Variants in CDH4 observed in about 807,000 individuals in gnomAD.
CDH4 encodes cadherin 4.
In CDH4, 33 loss-of-function variants were observed where a neutral mutation model predicts 86.0. That is an observed-to-expected ratio of 0.38 (90% confidence interval 0.29 to 0.51). The LOEUF (loss-of-function observed/expected upper bound fraction) is 0.51, where lower values mean the gene tolerates loss of function less well. CDH4 is among the 20% of genes least tolerant of loss of function. The pLI, the probability that CDH4 is intolerant of heterozygous loss-of-function variation, is 0.86. For synonymous variants in CDH4, 555 were observed against 549.4 expected (o/e 1.01, Z -0.14); for missense variants, 1,114 against 1,307.4 (o/e 0.85, Z 2.28).
chr20:61,254,989 G>A, intron 2 of CDH4, 52 bp downstream of exon 2: 1 of 1,049,258 alleles, frequency 9.5e-7, no homozygotes, highest in South Asian at 1.3e-5. Flanking sequence ...GCTTTTCCTT[G>A]GGGAAACATG....
intron 7 of CDH4, among the ~76,000 whole-genome samples, chr20:61,881,589 G>A (rs534621684): frequency 3.9e-5 from 6 of 152,312 alleles, no homozygotes; most frequent in East Asian, 3.9e-4. Flanking sequence ...GGGCCCAGGC[G>A]GCTGGGGTCG....
At chr20:61,590,611 AG>A (rs1245674677) in intron 2 of CDH4, among the ~76,000 whole-genome samples, 3 of 152,212 alleles carry the variant, frequency 2.0e-5, no homozygotes, top group Non-Finnish European at 4.4e-5. Flanking sequence ...GGGGCTGGAC[AG>A]GGCCTGGAAC....
At chr20:61,548,882 G>A (rs1262999457) in intron 2 of CDH4, among the ~76,000 whole-genome samples, 1 of 152,038 alleles carries the variant, frequency 6.6e-6, no homozygotes, top group Non-Finnish European at 1.5e-5. Context: ...AGAAAAGATG[G>A]CTCGTTCAGG....
chr20:61,306,307 C>T (rs4812296), intron 2 of CDH4, among the ~76,000 whole-genome samples: 121,428 of 152,022 alleles, frequency 0.8, 48,889 homozygotes, highest in Non-Finnish European at 0.86. Context: ...TGATTTGCTA[C>T]TGAGTGATGC....
At chr20:61,542,751 A>C (rs1011880884) in intron 2 of CDH4, among the ~76,000 whole-genome samples, 1 of 152,222 alleles carries the variant, frequency 6.6e-6, no homozygotes, top group Non-Finnish European at 1.5e-5. Flanking sequence ...AATCGGTATT[A>C]GGGTTCTCCA....
intron 2 of CDH4, among the ~76,000 whole-genome samples, chr20:61,594,350 C>A (rs1462444675): frequency 6.6e-6 from 1 of 152,044 alleles, no homozygotes. Flanking sequence ...ACAGGCCAGA[C>A]ACTGTTGCCC....
At chr20:61,701,045 G>A (rs1176136733) in intron 2 of CDH4, among the ~76,000 whole-genome samples, 7 of 152,172 alleles carry the variant, frequency 4.6e-5, no homozygotes, top group Non-Finnish European at 7.4e-5. Context: ...CCGAGGCATC[G>A]GCAGGGGTGG....
chr20:61,920,589 G>A (rs918069193), intron 9 of CDH4, among the ~76,000 whole-genome samples: 16 of 150,494 alleles, frequency 1.1e-4, no homozygotes, highest in Non-Finnish European at 1.8e-4. Context: ...GTGTGATTGC[G>A]TGGAAGCGTG....
At chr20:61,576,453 C>A (rs1249105271) in intron 2 of CDH4, among the ~76,000 whole-genome samples, 2 of 152,206 alleles carry the variant, frequency 1.3e-5, no homozygotes, top group Non-Finnish European at 2.9e-5. Flanking sequence ...TCCTACTTGA[C>A]AAACCAAGCT....
intron 11 of CDH4, among the ~76,000 whole-genome samples, chr20:61,926,949 G>A (rs747671327): frequency 2.0e-5 from 3 of 151,728 alleles, no homozygotes; most frequent in Admixed American, 6.6e-5. Flanking sequence ...CGTGGCAGAC[G>A]CCGTGTGAGG....
chr20:61,411,115 T>TTTCC (rs781048831), intron 2 of CDH4, among the ~76,000 whole-genome samples: 1 of 132,808 alleles, frequency 7.5e-6, no homozygotes, highest in Non-Finnish European at 1.5e-5. Context: ...TTCATCCGTC[T>TTTCC]TTCCTTCCAT....
At chr20:61,724,244 A>T (rs1403088132) in intron 2 of CDH4, among the ~76,000 whole-genome samples, 1 of 152,078 alleles carries the variant, frequency 6.6e-6, no homozygotes, top group African/African-American at 2.4e-5. Flanking sequence ...CGGGCTCCTC[A>T]CTGCCCTGCC....
At chr20:61,779,766 C>A (rs74587150) in intron 4 of CDH4, among the ~76,000 whole-genome samples, 2 of 152,210 alleles carry the variant, frequency 1.3e-5, no homozygotes, top group Non-Finnish European at 2.9e-5. Flanking sequence ...TGAGTGATGC[C>A]CCGAGCTGGG....
chr20:61,478,407 G>A (rs2085551039), intron 2 of CDH4, among the ~76,000 whole-genome samples: 1 of 128,962 alleles, frequency 7.8e-6, no homozygotes, highest in South Asian at 2.4e-4. Context: ...TTTCTGCTGA[G>A]CGTGACGTAA....
At chr20:61,867,610 A>AT (rs2146139018) in intron 6 of CDH4, among the ~76,000 whole-genome samples, 1 of 149,250 alleles carries the variant, frequency 6.7e-6, no homozygotes, top group East Asian at 2.0e-4. Context: ...AAAGTGGGGG[A>AT]TTCCTGGGTG....
At chr20:61,734,703 A>G (rs6121789) in intron 2 of CDH4, among the ~76,000 whole-genome samples, 93,095 of 152,022 alleles carry the variant, frequency 0.61, 29,780 homozygotes, top group African/African-American at 0.8. Context: ...GGCCCCTCCC[A>G]GCCTGGCATG....
At chr20:61,604,502 G>A (rs893987331) in intron 2 of CDH4, among the ~76,000 whole-genome samples, 1 of 152,206 alleles carries the variant, frequency 6.6e-6, no homozygotes, top group African/African-American at 2.4e-5. Flanking sequence ...GGCCAGCCGA[G>A]ATGAGATTTG....
chr20:61,359,970 G>A (rs34115603), intron 2 of CDH4, among the ~76,000 whole-genome samples: 34,558 of 152,018 alleles, frequency 0.23, 4,420 homozygotes, highest in South Asian at 0.35. Context: ...ATCATAACCA[G>A]AAGCTGAAAT....
At chr20:61,843,994 G>A (rs542238486) in intron 4 of CDH4, among the ~76,000 whole-genome samples, 38 of 152,262 alleles carry the variant, frequency 2.5e-4, no homozygotes, top group South Asian at 8.3e-4. Context: ...AGGAGGTTTC[G>A]CCTCAACTGA....
Sources: gnomAD v4.1 joint callset for allele counts (sites outside exome capture counted in the v4.1 genomes callset) on GRCh38, gnomAD v4.1.1 for gene constraint, MANE v1.5 for transcripts, NCBI Gene and HGNC (gene_info 2026-07-23, HGNC 2026-07-21) for gene names.